GPA33: variants seen among roughly 807,000 people sequenced by gnomAD.
GPA33 encodes cell surface A33 antigen.
Under a neutral mutation model 35.6 loss-of-function variants are expected in GPA33, and 27 were observed. The observed-to-expected ratio is 0.76, with a 90% CI of 0.56 to 1.04. GPA33 has a LOEUF of 1.04. GPA33 is among the 50% of genes least tolerant of loss of function. The pLI, the probability that GPA33 is intolerant of heterozygous loss-of-function variation, is 0.00. For missense variants in GPA33, 428 were observed against 411.9 expected (o/e 1.04, Z -0.34); for synonymous variants, 176 against 164.0 (o/e 1.07, Z -0.56).
intron 1 of GPA33, among the ~76,000 whole-genome samples, chr1:167,081,631 G>A (rs1005600914): frequency 1.3e-5 from 2 of 152,206 alleles, no homozygotes; most frequent in Non-Finnish European, 2.9e-5. Context: ...ATGATCAGAG[G>A]TGTGTTCACA....
At chr1:167,067,955 G>GT (rs1331258046) in intron 3 of GPA33, among the ~76,000 whole-genome samples, 1 of 152,166 alleles carries the variant, frequency 6.6e-6, no homozygotes, top group Non-Finnish European at 1.5e-5. Context: ...AGGGGGTAGG[G>GT]TGGAAGGAGA....
At position 167,054,408 on chromosome 1, in the gene GPA33, C is replaced by A. The variant is rs375309413; in HGVS notation, c.886G>T (p.Glu296Ter). ...TCTTGCCTGTAGTCATCCTCCTCCT[C>A]CCTCTCTCTGGAAAGTTCTCTTAGC... Reference protein sequence around the residue: ...EQLRELSREREEEDDYRQEEQ... With the variant: ...EQLRELSRER The change falls in exon 7 of 7, where the codon GAG becomes TAG. Residue 296 changes from glutamate to a stop codon, truncating the protein, a stop_gained. Transcript: ENST00000367868. LOFTEE classifies it low-confidence loss of function (END_TRUNC). 3.1e-6 allele frequency: 5 copies of A among 1,614,166 alleles called. No individual in the cohort carries two copies. The highest frequency in any genetic ancestry group is 3.4e-6 in the Non-Finnish European group (4 of 1,180,014).
chr1:167,063,063 G>A, intron 4 of GPA33, among the ~76,000 whole-genome samples: 1 of 152,192 alleles, frequency 6.6e-6, no homozygotes, highest in East Asian at 1.9e-4. Flanking sequence ...ATTTACCACG[G>A]CTTCCGCTAC....
chr1:167,076,336 GT>G (rs1234053985), intron 1 of GPA33, among the ~76,000 whole-genome samples: 2 of 152,244 alleles, frequency 1.3e-5, no homozygotes, highest in Admixed American at 1.3e-4. Flanking sequence ...GTAACAGGAT[GT>G]GGCTAAAGGT....
At chr1:167,084,661 C>G (rs1197507799) in intron 1 of GPA33, among the ~76,000 whole-genome samples, 1 of 152,094 alleles carries the variant, frequency 6.6e-6, no homozygotes, top group African/African-American at 2.4e-5. Context: ...TGGAGAGGCC[C>G]CTGGAGAGAG....
chr1:167,056,909 TG>T (rs1666317397), intron 4 of GPA33, among the ~76,000 whole-genome samples: 3 of 141,022 alleles, frequency 2.1e-5, no homozygotes, highest in East Asian at 2.1e-4. Context: ...GTGCTGCATG[TG>T]GTGTGTGTGG....
At chr1:167,056,562 A>G (rs1272471122) in intron 4 of GPA33, among the ~76,000 whole-genome samples, 10 of 3,710 alleles carry the variant, frequency 2.7e-3, no homozygotes, top group Non-Finnish European at 6.5e-3. Context: ...TGTGTATGGT[A>G]TGTGGTGTGT....
intron 4 of GPA33, among the ~76,000 whole-genome samples, chr1:167,062,241 G>T (rs1666471963): frequency 1.3e-5 from 2 of 150,652 alleles, no homozygotes; most frequent in Admixed American, 1.3e-4. Flanking sequence ...TTTGAGGCAG[G>T]GTCTCGCTCT....
intron 4 of GPA33, among the ~76,000 whole-genome samples, chr1:167,057,022 G>GGTGTGTGTTGCATGTGTA (rs1666322498): frequency 1.3e-5 from 2 of 149,546 alleles, no homozygotes; most frequent in Non-Finnish European, 3.0e-5. Flanking sequence ...TGTGATGTGT[G>GGTGTGTGTTGCATGTGTA]GTGTGTGTTG....
At chr1:167,055,537 G>A (rs1476780344) in intron 5 of GPA33, among the ~76,000 whole-genome samples, 193 bp downstream of exon 5, 6 of 152,124 alleles carry the variant, frequency 3.9e-5, no homozygotes, top group Non-Finnish European at 7.4e-5. Flanking sequence ...AACACCAGTG[G>A]AACTGGACTG....
chr1:167,073,390 G>C lies in GPA33; in HGVS notation c.193C>G (p.His65Asp), dbSNP rs963515945. The change falls in exon 2 of 7, where the codon CAT becomes GAT. Residue 65 changes from histidine to aspartate, a missense_variant. His to Asp is a moderately conservative substitution (Grantham distance 81). Transcript: ENST00000367868. ...LIQWDKLLLTHTERVVIWPFS... is the reference protein window; with the variant it reads ...LIQWDKLLLTDTERVVIWPFS... ...AACTTGTAAAGTATCCTTACCGTAT[G>C]AGTGAGGAGGAGCTTATCCCATTGA... is the stretch of plus-strand genomic sequence containing the variant. 1 of 1,613,078 alleles carries C rather than the reference G, an allele frequency of 6.2e-7. No individual in the cohort carries two copies. Among genetic ancestry groups the C allele is most frequent in the Non-Finnish European group, 8.5e-7 (1 of 1,179,140 alleles).
intron 1 of GPA33, among the ~76,000 whole-genome samples, chr1:167,080,149 C>T (rs1265425089): frequency 6.6e-6 from 1 of 152,188 alleles, no homozygotes. Flanking sequence ...TTGCCCTGTG[C>T]CCGTCATGCT....
At position 167,090,126 on chromosome 1, in the gene GPA33, A is replaced by G. The variant is rs1667125239; in HGVS notation, c.43+119T>C. On this transcript the variant is annotated intron_variant, in intron 1 of 6. Transcript: ENST00000367868. ...GAATGTGTAATTCTGGCCCAGCAGG[A>G]ACGCAGCTGTGTTGCTGGAGGCCCT... 8.0e-6 allele frequency: 6 copies of G among 747,974 alleles called. No homozygotes were observed. In the South Asian group the frequency reaches 9.1e-5, roughly 11 times the overall value. 46.3% of individuals were successfully genotyped at this position (747,974 alleles called of 1,614,324 possible). A position where few individuals can be genotyped will look rare whatever the true frequency, so the allele number is the denominator to read the frequency against.
chr1:167,054,611 G>T, intron 6 of GPA33, 145 bp from the exon 7 acceptor site: 1 of 1,006,280 alleles, frequency 9.9e-7, no homozygotes, highest in Non-Finnish European at 1.5e-6. Context: ...CTGAAAGGCT[G>T]GGCTGAGAGT....
At chr1:167,082,652 G>A (rs998600781) in intron 1 of GPA33, among the ~76,000 whole-genome samples, 5 of 152,140 alleles carry the variant, frequency 3.3e-5, no homozygotes, top group African/African-American at 7.2e-5. Flanking sequence ...CTTTGCTCAC[G>A]GCAAGTGTCA....
intron 1 of GPA33, among the ~76,000 whole-genome samples, chr1:167,079,502 G>GA (rs965851607): frequency 2.7e-5 from 4 of 145,560 alleles, no homozygotes; most frequent in South Asian, 2.2e-4. Context: ...AAAAAAAAAA[G>GA]AAAAAAAAGA....
At chr1:167,080,699 T>C (rs550206522) in intron 1 of GPA33, among the ~76,000 whole-genome samples, 1 of 152,320 alleles carries the variant, frequency 6.6e-6, no homozygotes, top group South Asian at 2.1e-4. Flanking sequence ...TGACTTCACA[T>C]AAAGTGCATA....
chr1:167,079,762 T>C (rs16858400), intron 1 of GPA33, among the ~76,000 whole-genome samples: 2,313 of 152,324 alleles, frequency 0.015, 72 homozygotes, highest in African/African-American at 0.052. Context: ...AATGAAGACA[T>C]CTGGCTGGAC....
At chr1:167,070,673 T>C (rs1038062747) in intron 2 of GPA33, among the ~76,000 whole-genome samples, 1 of 152,110 alleles carries the variant, frequency 6.6e-6, no homozygotes, top group African/African-American at 2.4e-5. Flanking sequence ...GAAAGTGACT[T>C]GGAAGGAGAA....
Sources: gnomAD v4.1 joint callset for allele counts (sites outside exome capture counted in the v4.1 genomes callset) on GRCh38, gnomAD v4.1.1 for gene constraint, MANE v1.5 for transcripts, NCBI Gene and HGNC (gene_info 2026-07-23, HGNC 2026-07-21) for gene names.